OTUD7A: variants seen among roughly 807,000 people sequenced by gnomAD.
OTUD7A encodes OTU domain-containing protein 7A.
OTUD7A carries 12 observed loss-of-function variants against 65.7 expected under a neutral mutation model. That is an observed-to-expected ratio of 0.18 (90% confidence interval 0.12 to 0.30). The LOEUF is 0.30. Ranked by LOEUF, OTUD7A falls within the 10% of genes least tolerant of loss-of-function variation. The probability of loss-of-function intolerance (pLI) is 1.00; values close to 1 mark genes in which losing one functional copy is unlikely to be tolerated. For missense variants in OTUD7A, 1,148 were observed against 1,304.8 expected (o/e 0.88, Z 1.85); for synonymous variants, 641 against 586.3 (o/e 1.09, Z -1.35).
chr15:31,755,670 A>C (rs894462618), intron 1 of OTUD7A, among the ~76,000 whole-genome samples: 4 of 151,942 alleles, frequency 2.6e-5, no homozygotes, highest in Non-Finnish European at 4.4e-5. Context: ...TGCAGTGAGC[A>C]GAGATTGCGC....
intron 1 of OTUD7A, among the ~76,000 whole-genome samples, chr15:31,750,172 C>A (rs1223473174): frequency 6.6e-6 from 1 of 152,104 alleles, no homozygotes; most frequent in Admixed American, 6.6e-5. Flanking sequence ...CTTTGGGAGG[C>A]TGAGGCGGGT....
intron 3 of OTUD7A, among the ~76,000 whole-genome samples, chr15:31,599,277 A>T (rs901352526): frequency 2.0e-5 from 3 of 151,978 alleles, no homozygotes; most frequent in Non-Finnish European, 2.9e-5. Flanking sequence ...CATCTGGTGG[A>T]TGCCCCTCTG....
chr15:31,762,811 T>C lies in OTUD7A; in HGVS notation c.-99-105734A>G, dbSNP rs542913806. On this transcript the variant is annotated intron_variant, in intron 1 of 12. Transcript: ENST00000307050. ...TAAGACATAGAGTCTGATAACGTAA[T>C]ATTCCAAATGTCCAGGATTCAATCC... is the stretch of plus-strand genomic sequence containing the variant. Among the ~76,000 whole-genome samples the C allele has an allele frequency of 4.5e-4, 69 of 152,274 alleles. 2 individuals carry two copies. The highest frequency in any genetic ancestry group is 3.3e-3 in the Admixed American group (50 of 15,292).
intron 3 of OTUD7A, among the ~76,000 whole-genome samples, chr15:31,609,530 C>A (rs376985247): frequency 1.0e-3 from 157 of 152,176 alleles, no homozygotes; most frequent in African/African-American, 3.5e-3. Context: ...GACCTGGGAA[C>A]CTCACCCCCA....
At chr15:31,678,828 C>T (rs1308622833) in intron 1 of OTUD7A, among the ~76,000 whole-genome samples, 1 of 152,248 alleles carries the variant, frequency 6.6e-6, no homozygotes, top group Non-Finnish European at 1.5e-5. Context: ...CCCACTGAGG[C>T]ACTGCTTAGT....
chr15:31,839,048 C>G (rs1897123863), intron 1 of OTUD7A, among the ~76,000 whole-genome samples: 1 of 152,224 alleles, frequency 6.6e-6, no homozygotes, highest in Admixed American at 6.5e-5. Context: ...TCTCCCAGCC[C>G]CTGCTCCATG....
intron 3 of OTUD7A, among the ~76,000 whole-genome samples, chr15:31,579,840 G>A (rs1301849177): frequency 2.0e-5 from 3 of 152,178 alleles, no homozygotes; most frequent in East Asian, 1.9e-4. Flanking sequence ...TTATGTGTGC[G>A]AGTGCACGTG....
intron 1 of OTUD7A, among the ~76,000 whole-genome samples, chr15:31,860,352 C>T (rs959313618): frequency 6.6e-6 from 1 of 151,822 alleles, no homozygotes; most frequent in Non-Finnish European, 1.5e-5. Context: ...TTCTCAACTG[C>T]GATGCTTTTG....
chr15:31,845,019 G>C (rs958357025), intron 1 of OTUD7A, among the ~76,000 whole-genome samples: 7 of 152,218 alleles, frequency 4.6e-5, no homozygotes, highest in African/African-American at 1.7e-4. Context: ...AGAGCCTCCT[G>C]TATGAGCTCT....
intron 5 of OTUD7A, 78 bp from the exon 6 acceptor site, chr15:31,530,886 A>G (rs1357069094): frequency 2.7e-6 from 3 of 1,099,800 alleles, no homozygotes; most frequent in Non-Finnish European, 4.0e-6. Context: ...GGAGGCATAA[A>G]CATCAGGGAC....
chr15:31,852,670 C>T (rs1252998870), intron 1 of OTUD7A, among the ~76,000 whole-genome samples: 1 of 152,234 alleles, frequency 6.6e-6, no homozygotes, highest in Non-Finnish European at 1.5e-5. Flanking sequence ...CAATTCTGTG[C>T]TCCTCAATGG....
chr15:31,790,089 T>G (rs889057498), intron 1 of OTUD7A, among the ~76,000 whole-genome samples: 4 of 152,146 alleles, frequency 2.6e-5, no homozygotes, highest in Non-Finnish European at 5.9e-5. Context: ...GATTCTACCA[T>G]GTGGAGCCAC....
At chr15:31,519,139 TGTGC>T (rs1204779924) in intron 8 of OTUD7A, among the ~76,000 whole-genome samples, 1 of 145,764 alleles carries the variant, frequency 6.9e-6, no homozygotes, top group Non-Finnish European at 1.5e-5. Context: ...TGTGTGTGTG[TGTGC>T]ACGCACGCGC....
chr15:31,539,218 T>C (rs1027926630), intron 5 of OTUD7A, among the ~76,000 whole-genome samples: 1 of 152,128 alleles, frequency 6.6e-6, no homozygotes, highest in Non-Finnish European at 1.5e-5. Context: ...CCAATTCCTT[T>C]CCCTTGAGCT....
intron 3 of OTUD7A, among the ~76,000 whole-genome samples, chr15:31,602,607 A>T (rs1595646008): frequency 1.3e-5 from 2 of 152,342 alleles, no homozygotes; most frequent in East Asian, 3.9e-4. Context: ...TAGCCAGGGT[A>T]ATCAGGCAAG....
chr15:31,741,523 A>G (rs1296622293), intron 1 of OTUD7A, among the ~76,000 whole-genome samples: 1 of 152,174 alleles, frequency 6.6e-6, no homozygotes, highest in African/African-American at 2.4e-5. Flanking sequence ...TTCAAGAGTT[A>G]AATGTTAGAA....
At chr15:31,653,396 C>T (rs1232731893) in intron 3 of OTUD7A, among the ~76,000 whole-genome samples, 1 of 152,112 alleles carries the variant, frequency 6.6e-6, no homozygotes, top group African/African-American at 2.4e-5. Context: ...TGGAGAAATT[C>T]TGGAGTACCT....
intron 3 of OTUD7A, among the ~76,000 whole-genome samples, chr15:31,601,975 C>CA (rs538027131): frequency 1.2e-3 from 180 of 152,032 alleles, no homozygotes; most frequent in African/African-American, 4.1e-3. Context: ...GCCTACCAAC[C>CA]AAAAAAAGTC....
Position 31,531,758 on chromosome 15 carries a change from A to G in OTUD7A, c.551-950T>C, listed in dbSNP as rs549966325. On this transcript the variant is annotated intron_variant, in intron 5 of 12. Coordinates refer to ENST00000307050, the MANE Select transcript of OTUD7A (RefSeq NM_001382637.1). ...CAAGGTGCTCATCACTGCCTGCTCC[A>G]TCACCTGGGGAGTGTCAGAGAAGGC... is the stretch of plus-strand genomic sequence containing the variant. Among the ~76,000 whole-genome samples the G allele has an allele frequency of 1.5e-3, 232 of 152,232 alleles. 1 individual carries two copies. Among genetic ancestry groups the G allele is most frequent in the African/African-American group, 4.8e-3 (201 of 41,540 alleles).
Sources: allele counts gnomAD v4.1 joint callset (sites outside exome capture counted in the v4.1 genomes callset), GRCh38; gene constraint gnomAD v4.1.1; transcripts MANE v1.5; gene names NCBI Gene and HGNC (gene_info 2026-07-23, HGNC 2026-07-21).